The following CFAP20DC variants were observed in gnomAD, a reference collection of about 807,000 sequenced individuals.
The protein encoded by CFAP20DC is protein CFAP20DC.
In CFAP20DC, 84 loss-of-function variants were observed where a neutral mutation model predicts 101.7. The observed-to-expected ratio is 0.83, with a 90% CI of 0.69 to 0.99. The LOEUF is 0.99. Ranked by LOEUF, CFAP20DC falls within the 50% of genes least tolerant of loss-of-function variation. The pLI, the probability that CFAP20DC is intolerant of heterozygous loss-of-function variation, is 0.00. For missense variants in CFAP20DC, 1,007 were observed against 970.3 expected (o/e 1.04, Z -0.50); for synonymous variants, 359 against 351.2 (o/e 1.02, Z -0.25).
chr3:58,978,591 C>A (rs1238457445), intron 4 of CFAP20DC, among the ~76,000 whole-genome samples: 1 of 151,872 alleles, frequency 6.6e-6, no homozygotes, highest in African/African-American at 2.4e-5. Flanking sequence ...CGTCTGTAAT[C>A]CCAGCTGCTC....
chr3:58,831,932 A>T (rs540274204), intron 13 of CFAP20DC, 43 bp from the exon 14 acceptor site: 3 of 1,546,962 alleles, frequency 1.9e-6, no homozygotes, highest in South Asian at 1.1e-5. Context: ...ATTTGGCCTA[A>T]TTCTACGGCT....
At chr3:59,042,415 G>A (rs1699473631) in intron 3 of CFAP20DC, among the ~76,000 whole-genome samples, 1 of 151,984 alleles carries the variant, frequency 6.6e-6, no homozygotes, top group South Asian at 2.1e-4. Flanking sequence ...ATTCGACAAA[G>A]ATTTACTGAA....
Position 58,914,268 on chromosome 3 carries a change from T to C in CFAP20DC, c.394-404A>G, listed in dbSNP as rs1005189606. On this transcript the variant is annotated intron_variant, in intron 5 of 16. Transcript: ENST00000482387. This position sits in a 1 kb window ranked among gnomAD's most constrained non-coding sequence, Gnocchi z 4.9. ...TAATTTGATCACAATTAGCCACTCG[T>C]ATTTGTTGAAAAAGGCATGGATGAA... 2.0e-5 allele frequency among the ~76,000 whole-genome samples: 3 copies of C among 152,280 alleles called. No homozygotes were observed. Among genetic ancestry groups the C allele is most frequent in the Non-Finnish European group, 4.4e-5 (3 of 68,006 alleles).
intron 15 of CFAP20DC, among the ~76,000 whole-genome samples, chr3:58,762,593 A>G (rs903264722): frequency 5.1e-4 from 77 of 151,898 alleles, no homozygotes; most frequent in Non-Finnish European, 6.8e-4. Context: ...ATGTTAGCTG[A>G]TTATTTTGCT....
At chr3:58,770,026 T>C (rs1311177249) in intron 15 of CFAP20DC, among the ~76,000 whole-genome samples, 20 of 152,360 alleles carry the variant, frequency 1.3e-4, no homozygotes, top group South Asian at 4.1e-4. Flanking sequence ...ATATACTTTA[T>C]ATGTTCTCTG....
At chr3:58,954,828 T>C (rs964189515) in intron 4 of CFAP20DC, among the ~76,000 whole-genome samples, 1 of 152,174 alleles carries the variant, frequency 6.6e-6, no homozygotes, top group Non-Finnish European at 1.5e-5. Flanking sequence ...TTACAATGCA[T>C]ATTTTACACC....
At position 58,874,688 on chromosome 3, in the gene CFAP20DC, T is replaced by G. The variant is rs2080586988; in HGVS notation, c.716-4379A>C. Among the ~76,000 whole-genome samples the G allele has an allele frequency of 2.0e-5, 3 of 152,226 alleles. No homozygotes were observed. The South Asian group carries it at 6.2e-4, about 32-fold the overall frequency. On this transcript the variant is annotated intron_variant, in intron 7 of 16. Coordinates refer to ENST00000482387, the MANE Select transcript of CFAP20DC (RefSeq NM_001394063.1). This position sits in a 1 kb window ranked among gnomAD's most constrained non-coding sequence, Gnocchi z 5.1. ...CATATCATTTCCTCAGACAAGTCTT[T>G]GCAGACCTTTCTGATTAGGGTAAGT... is the stretch of plus-strand genomic sequence containing the variant.
chr3:58,760,091 T>C (rs1367635194), intron 15 of CFAP20DC, among the ~76,000 whole-genome samples: 5 of 152,250 alleles, frequency 3.3e-5, no homozygotes, highest in Admixed American at 2.6e-4. Context: ...GGTAGCTTGA[T>C]GGGGATGGCA....
intron 16 of CFAP20DC, among the ~76,000 whole-genome samples, chr3:58,747,008 C>G (rs772990539): frequency 6.6e-6 from 1 of 152,048 alleles, no homozygotes; most frequent in Admixed American, 6.6e-5. Flanking sequence ...CAATTATATT[C>G]TTGGATAGAG....
chr3:58,880,263 T>A (rs1466465852), intron 7 of CFAP20DC, among the ~76,000 whole-genome samples: 2 of 152,294 alleles, frequency 1.3e-5, no homozygotes, highest in East Asian at 3.9e-4. Context: ...ATTTTATGCA[T>A]ATATCATATG....
intron 4 of CFAP20DC, among the ~76,000 whole-genome samples, chr3:58,984,392 T>A (rs1201387296): frequency 1.3e-5 from 2 of 152,312 alleles, no homozygotes; most frequent in Admixed American, 6.5e-5. Flanking sequence ...GATTTAGGAA[T>A]AATTATTATT....
At chr3:58,791,889 G>A (rs1357663512) in intron 15 of CFAP20DC, among the ~76,000 whole-genome samples, 1 of 152,124 alleles carries the variant, frequency 6.6e-6, no homozygotes, top group African/African-American at 2.4e-5. Flanking sequence ...AATAACGTAG[G>A]CCCTTATGCT....
chr3:58,765,284 ACACACACACACG>A (rs2070169673), intron 15 of CFAP20DC, among the ~76,000 whole-genome samples: 1 of 151,548 alleles, frequency 6.6e-6, no homozygotes, highest in Non-Finnish European at 1.5e-5. Context: ...ATACATCTAC[ACACACACACACG>A]CACACACATA....
chr3:58,995,975 A>ATCTATCTATCT (rs1553760740), intron 4 of CFAP20DC, among the ~76,000 whole-genome samples: 1 of 145,160 alleles, frequency 6.9e-6, no homozygotes, highest in Non-Finnish European at 1.5e-5. Flanking sequence ...CTGTATAATA[A>ATCTATCTATCT]ATCTATCTAT....
intron 5 of CFAP20DC, among the ~76,000 whole-genome samples, chr3:58,917,490 A>G (rs1381626678): frequency 6.6e-6 from 1 of 152,200 alleles, no homozygotes; most frequent in Non-Finnish European, 1.5e-5. Context: ...AGGAAATGAC[A>G]AACAAGAAAC....
chr3:58,744,594 C>G lies in CFAP20DC; in HGVS notation c.2333-2022G>C, dbSNP rs114532616. On this transcript the variant is annotated intron_variant, in intron 16 of 16. Transcript: ENST00000482387. ...GGCAGAGGCAAACAGTTCAATAAGT[C>G]CAAAGGAAATGGGCTTGTTAACTCC... Among the ~76,000 whole-genome samples, 1,476 of 152,018 alleles carry G rather than the reference C, an allele frequency of 9.7e-3. 26 individuals are homozygous for G. The highest frequency in any genetic ancestry group is 0.034 in the African/African-American group (1,392 of 41,446).
At chr3:58,750,878 G>A (rs1476166134) in intron 16 of CFAP20DC, among the ~76,000 whole-genome samples, 3 of 152,136 alleles carry the variant, frequency 2.0e-5, no homozygotes, top group Non-Finnish European at 2.9e-5. Flanking sequence ...CACGGCATAA[G>A]GTGATCTATA....
intron 15 of CFAP20DC, among the ~76,000 whole-genome samples, chr3:58,754,518 C>A (rs192970901): frequency 6.6e-6 from 1 of 152,116 alleles, no homozygotes; most frequent in Non-Finnish European, 1.5e-5. Context: ...CTACTTTAAG[C>A]CCTTCTCATC....
At chr3:58,903,489 C>A (rs1178088526) in intron 6 of CFAP20DC, among the ~76,000 whole-genome samples, 1 of 151,996 alleles carries the variant, frequency 6.6e-6, no homozygotes, top group Non-Finnish European at 1.5e-5. Flanking sequence ...AAGAAATATC[C>A]AAGACTGGGT....
Sources: allele counts gnomAD v4.1 joint callset (sites outside exome capture counted in the v4.1 genomes callset), GRCh38; gene constraint gnomAD v4.1.1; non-coding constraint Gnocchi (gnomAD v3.1); transcripts MANE v1.5; gene names NCBI Gene and HGNC (gene_info 2026-07-23, HGNC 2026-07-21).